Variants in CTNND2 observed in about 807,000 individuals in gnomAD.
CTNND2 encodes the protein catenin delta-2.
A neutral mutation model predicts 144.4 loss-of-function variants in CTNND2; 22 were observed. That is an observed-to-expected ratio of 0.15 (90% CI 0.11 to 0.22). The LOEUF (loss-of-function observed/expected upper bound fraction) is 0.22. Ranked by LOEUF, CTNND2 falls within the 10% of genes least tolerant of loss-of-function variation. The pLI is 1.00. For missense variants in CTNND2, 1,353 were observed against 1,618.8 expected, an observed-to-expected ratio of 0.84 and a Z score of 2.82; for synonymous variants, 751 against 695.6, an observed-to-expected ratio of 1.08 and a Z score of -1.25.
chr5:11,187,866 G>T (rs766912348), intron 11 of CTNND2, among the ~76,000 whole-genome samples: 5 of 152,124 alleles, frequency 3.3e-5, no homozygotes, highest in Non-Finnish European at 5.9e-5. Context: ...CAACATCACT[G>T]ATCACTAGAG....
At chr5:11,501,066 C>T (rs1770481441) in intron 3 of CTNND2, among the ~76,000 whole-genome samples, 1 of 152,136 alleles carries the variant, frequency 6.6e-6, no homozygotes, top group Admixed American at 6.5e-5. Flanking sequence ...TTTTAACACT[C>T]CTTGAAAAGA....
chr5:11,824,221 A>C, intron 1 of CTNND2, among the ~76,000 whole-genome samples: 1 of 152,132 alleles, frequency 6.6e-6, no homozygotes, highest in South Asian at 2.1e-4. Flanking sequence ...AAACTAAGTG[A>C]GTTATACATA....
At chr5:11,743,725 A>G (rs1788150183) in intron 1 of CTNND2, among the ~76,000 whole-genome samples, 1 of 152,088 alleles carries the variant, frequency 6.6e-6, no homozygotes, top group Non-Finnish European at 1.5e-5. Context: ...GTAGTGGAAG[A>G]TGTGATGGCT....
chr5:11,812,191 C>T (rs545698327), intron 1 of CTNND2, among the ~76,000 whole-genome samples: 4 of 152,196 alleles, frequency 2.6e-5, no homozygotes, highest in Admixed American at 6.5e-5. Flanking sequence ...TCCTGTTGTG[C>T]GGGGAATATC....
intron 3 of CTNND2, among the ~76,000 whole-genome samples, chr5:11,469,628 G>T (rs2244832): frequency 6.6e-5 from 10 of 151,956 alleles, no homozygotes; most frequent in Non-Finnish European, 1.3e-4. Context: ...AACACCCAGA[G>T]CCACACAGTT....
rs372235524 is a variant in CTNND2, at chr5:11,240,852, C to T, written c.1629-4029G>A. Among the ~76,000 whole-genome samples, 237 of 142,812 alleles carry T rather than the reference C, an allele frequency of 1.7e-3. 2 individuals carry two copies. Among genetic ancestry groups the T allele is most frequent in the African/African-American group, 5.6e-3 (213 of 38,328 alleles). The allele number at this position is 142,812 out of a possible 152,430, so 93.7% of individuals were successfully genotyped here. ...CACACACCCCCCAACACACACCCAA[C>T]ACATACACTCAGCACACACACCCCA... On this transcript the variant is annotated intron_variant, in intron 9 of 21. Transcript: ENST00000304623.
chr5:11,714,176 G>A (rs1260744734), intron 2 of CTNND2, among the ~76,000 whole-genome samples: 3 of 152,192 alleles, frequency 2.0e-5, no homozygotes, highest in Admixed American at 1.3e-4. Context: ...GAGTGCTCCT[G>A]TGGAGCTAAC....
intron 9 of CTNND2, among the ~76,000 whole-genome samples, chr5:11,308,465 A>C (rs1046683351): frequency 3.3e-5 from 5 of 152,216 alleles, no homozygotes; most frequent in Non-Finnish European, 7.3e-5. Flanking sequence ...AAACAACAAC[A>C]ACCAAAAACA....
chr5:11,652,140 G>T (rs986924868), intron 2 of CTNND2, among the ~76,000 whole-genome samples: 1 of 152,154 alleles, frequency 6.6e-6, no homozygotes, highest in African/African-American at 2.4e-5. Flanking sequence ...GTGGGTCTTG[G>T]TTGGGGGTAA....
chr5:11,007,374 G>A (rs867999535), intron 18 of CTNND2, among the ~76,000 whole-genome samples: 20 of 152,196 alleles, frequency 1.3e-4, no homozygotes, highest in Middle Eastern at 3.4e-3. Context: ...AGCACTGGCG[G>A]TGAGGACGGC....
chr5:11,566,069 A>AG (rs1173432509), intron 2 of CTNND2, among the ~76,000 whole-genome samples: 2 of 152,194 alleles, frequency 1.3e-5, no homozygotes, highest in Middle Eastern at 3.2e-3. Context: ...CCAGAAAATA[A>AG]GATTTTATTT....
At chr5:11,030,064 A>G (rs1034017493) in intron 16 of CTNND2, among the ~76,000 whole-genome samples, 2 of 151,948 alleles carry the variant, frequency 1.3e-5, no homozygotes, top group African/African-American at 4.8e-5. Flanking sequence ...CACCATGACT[A>G]TATCAACCTA....
At chr5:11,592,623 A>T (rs1779311113) in intron 2 of CTNND2, among the ~76,000 whole-genome samples, 1 of 152,056 alleles carries the variant, frequency 6.6e-6, no homozygotes, top group African/African-American at 2.4e-5. Flanking sequence ...AGTAAAAAAA[A>T]AAAATCTTTG....
chr5:11,455,815 C>T (rs1314627991), intron 3 of CTNND2, among the ~76,000 whole-genome samples: 1 of 152,026 alleles, frequency 6.6e-6, no homozygotes, highest in African/African-American at 2.4e-5. Flanking sequence ...TTAAAGTAAT[C>T]ATATATAATA....
chr5:10,992,162 C>G (rs1486364942), intron 19 of CTNND2, among the ~76,000 whole-genome samples: 1 of 152,202 alleles, frequency 6.6e-6, no homozygotes, highest in African/African-American at 2.4e-5. Context: ...AGGCAATCCG[C>G]CTGCCTCAGC....
chr5:11,213,918 G>A (rs1324329313), intron 10 of CTNND2, among the ~76,000 whole-genome samples: 1 of 152,038 alleles, frequency 6.6e-6, no homozygotes, highest in Admixed American at 6.6e-5. Context: ...CGTTCAGAAA[G>A]GTCTTCTCCT....
chr5:11,410,339 T>C (rs995532914), intron 5 of CTNND2, among the ~76,000 whole-genome samples: 1 of 152,180 alleles, frequency 6.6e-6, no homozygotes, highest in Non-Finnish European at 1.5e-5. Flanking sequence ...GTAATGGTAT[T>C]ACAAAGATTA....
At chr5:11,654,484 T>C (rs1363895651) in intron 2 of CTNND2, among the ~76,000 whole-genome samples, 4 of 152,068 alleles carry the variant, frequency 2.6e-5, no homozygotes, top group Admixed American at 6.6e-5. Flanking sequence ...TTTTTTTTGA[T>C]GTTATTGTAA....
chr5:11,305,758 T>C (rs752256631), intron 9 of CTNND2, among the ~76,000 whole-genome samples: 2 of 152,200 alleles, frequency 1.3e-5, no homozygotes, highest in Non-Finnish European at 2.9e-5. Flanking sequence ...ATAAATAACC[T>C]GACTTAGATG....
Sources: allele counts gnomAD v4.1 joint callset (sites outside exome capture counted in the v4.1 genomes callset), GRCh38; gene constraint gnomAD v4.1.1; transcripts MANE v1.5; gene names NCBI Gene and HGNC (gene_info 2026-07-23, HGNC 2026-07-21).